SETD5: variants seen among roughly 807,000 people sequenced by gnomAD.
SETD5 encodes histone-lysine N-methyltransferase SETD5.
SETD5 carries 44 observed loss-of-function variants against 153.3 expected under a neutral mutation model. The ratio of observed to expected loss-of-function variants is 0.29; its 90% CI spans 0.23 to 0.37. The LOEUF (loss-of-function observed/expected upper bound fraction) is 0.37. Ranked by LOEUF, SETD5 falls within the 10% of genes least tolerant of loss-of-function variation. The pLI is 1.00. For synonymous variants in SETD5, 716 were observed against 645.2 expected, an observed-to-expected ratio of 1.11 and a Z score of -1.66; for missense variants, 1,544 against 1,768.0, an observed-to-expected ratio of 0.87 and a Z score of 2.27.
At chr3:9,409,278 A>G (rs1459966565) in intron 1 of SETD5, among the ~76,000 whole-genome samples, 1 of 152,198 alleles carries the variant, frequency 6.6e-6, no homozygotes, top group Non-Finnish European at 1.5e-5. Flanking sequence ...TTATTTGGCT[A>G]TACTAAGATA....
intron 1 of SETD5, among the ~76,000 whole-genome samples, chr3:9,421,841 C>T (rs537051083): frequency 1.3e-5 from 2 of 151,988 alleles, no homozygotes; most frequent in East Asian, 1.9e-4. Flanking sequence ...TGTTCATTTT[C>T]GTTATTTAGT....
chr3:9,429,575 G>T (rs2039729593), intron 3 of SETD5, among the ~76,000 whole-genome samples: 1 of 151,994 alleles, frequency 6.6e-6, no homozygotes, highest in African/African-American at 2.4e-5. Context: ...TCAGCTAAGA[G>T]CAGCTTTAGG....
rs1475581259 is a variant in SETD5 at position 9,441,649 on chromosome 3, A to G, written c.867A>G (p.Ala289=). ...AGCACCGGAAGATCCTGAGGGCTGC[A>G]AGAGATTTGGCTTTGGACACTCTTA... ...VQKHRKILRA[A]RDLALDTLII... Residue 289 remains alanine (A), a synonymous_variant, in exon 9 of 23, where the codon GCA becomes GCG. Coordinates refer to ENST00000402198, the MANE Select transcript of SETD5 (RefSeq NM_001080517.3). 6.2e-7 allele frequency: 1 copy of G among 1,614,024 alleles called. No individual in the cohort carries two copies. Among genetic ancestry groups the G allele is most frequent in the African/African-American group, 1.3e-5 (1 of 75,060 alleles).
intron 8 of SETD5, 119 bp downstream of exon 8, chr3:9,440,817 A>G: frequency 1.5e-6 from 2 of 1,301,230 alleles, no homozygotes; most frequent in Non-Finnish European, 2.1e-6. Flanking sequence ...ATAACAGATT[A>G]GCCAGGTGTT....
chr3:9,450,527 G>C (rs1182149060), intron 16 of SETD5, among the ~76,000 whole-genome samples: 1 of 152,164 alleles, frequency 6.6e-6, no homozygotes, highest in Non-Finnish European at 1.5e-5. Flanking sequence ...AGCTAGAATA[G>C]AATTTGGCTT....
chr3:9,462,840 T>C (rs2044138792), intron 17 of SETD5, among the ~76,000 whole-genome samples: 1 of 152,150 alleles, frequency 6.6e-6, no homozygotes, highest in African/African-American at 2.4e-5. Context: ...ATGATAATAA[T>C]AGTGCTTGAT....
Position 9,447,705 on chromosome 3 carries a change from T to C in SETD5, c.1802T>C (p.Leu601Pro), listed in dbSNP as rs369117880. ...SQAGDIAAEK[L>P]VPKPPPAKPS... ...CTACAGGATATTGCTGCAGAAAAAC[T>C]AGTCCCCAAGCCACCTCCAGCAAAG... is the stretch of plus-strand genomic sequence containing the variant. Residue 601 changes from leucine (L) to proline (P), a missense_variant, in exon 15 of 23, where the codon CTA becomes CCA. Transcript: ENST00000402198. The C allele has an allele frequency of 3.1e-6, 5 of 1,613,842 alleles. No homozygotes were observed. Among genetic ancestry groups the C allele is most frequent in the African/African-American group, 1.3e-5 (1 of 75,018 alleles).
intron 1 of SETD5, among the ~76,000 whole-genome samples, chr3:9,415,667 A>G (rs1396689950): frequency 6.6e-6 from 1 of 151,350 alleles, no homozygotes; most frequent in East Asian, 1.9e-4. Context: ...TGCAGTCTCA[A>G]CTCTTAATTA....
chr3:9,448,433 T>C lies in SETD5; in HGVS notation c.2149T>C (p.Cys717Arg). The C allele has an allele frequency of 6.2e-7, 1 of 1,613,990 alleles. No homozygotes were observed. ...GAATGACAAAGCAGAGAAGCAAGAG[T>C]GCCCTGTTGAGTGCCCTTTACGTAT... is the stretch of plus-strand genomic sequence containing the variant. ...WLNDKAEKQE[C>R]PVECPLRITT... Residue 717 changes from cysteine to arginine, a missense_variant, in exon 16 of 23, where the codon TGC becomes CGC. Physicochemically the swap from Cys to Arg is radical, Grantham distance 180 (BLOSUM62 -3). This residue lies in a region of SETD5 where 782 missense variants were observed against 787.2 expected (regional missense o/e 0.99). Coordinates refer to ENST00000402198, the MANE Select transcript of SETD5 (RefSeq NM_001080517.3).
In SETD5 at chr3:9,408,247, G is replaced by A. The variant is rs892119321; in HGVS notation, c.-177+10270G>A. On this transcript the variant is annotated intron_variant, in intron 1 of 22. Coordinates refer to ENST00000402198, the MANE Select transcript of SETD5 (RefSeq NM_001080517.3). ...CTTATTCTGGAGTCTCCTGTGCTGC[G>A]ATTTATCTGTTGACCTCTCTGAACC... Among the ~76,000 whole-genome samples the A allele has an allele frequency of 1.1e-4, 16 of 152,222 alleles. No homozygotes were observed. In the East Asian group the frequency reaches 1.9e-3, roughly 18 times the overall value.
At chr3:9,436,258 C>G (rs2040555644) in intron 7 of SETD5, among the ~76,000 whole-genome samples, 1 of 152,148 alleles carries the variant, frequency 6.6e-6, no homozygotes, top group Admixed American at 6.5e-5. Context: ...GTCTGAAATT[C>G]TTGTCCTGGT....
At chr3:9,462,111 C>T (rs912703552) in intron 17 of SETD5, among the ~76,000 whole-genome samples, 2 of 152,102 alleles carry the variant, frequency 1.3e-5, no homozygotes, top group Non-Finnish European at 2.9e-5. Context: ...TAGTTTAGTG[C>T]CTCATAATTC....
chr3:9,466,441 T>G (rs1346888982), intron 18 of SETD5, among the ~76,000 whole-genome samples: 1 of 151,840 alleles, frequency 6.6e-6, no homozygotes, highest in Non-Finnish European at 1.5e-5. Flanking sequence ...TTTTGTTTTG[T>G]TTTTTTTAAT....
chr3:9,454,707 T>A (rs150891227), intron 17 of SETD5, among the ~76,000 whole-genome samples: 1 of 151,414 alleles, frequency 6.6e-6, no homozygotes, highest in East Asian at 1.9e-4. Flanking sequence ...AAACTAGATG[T>A]CAATGAAAAA....
Position 9,445,072 on chromosome 3 carries a change from T to C in SETD5, c.1212T>C (p.Cys404=). ...SNCNYKVDCA[C]HKGNRNCPIQ... is the part of the protein sequence containing the mutation. ...GTAATTATAAAGTGGACTGTGCCTG[T>C]CACAAGGGAAACCGGAATTGTCCTA... Residue 404 remains cysteine (C), a synonymous_variant, in exon 12 of 23, where the codon TGT becomes TGC. Coordinates refer to ENST00000402198, the MANE Select transcript of SETD5 (RefSeq NM_001080517.3). The C allele has an allele frequency of 6.2e-7, 1 of 1,613,784 alleles. No individual in the cohort carries two copies. Among genetic ancestry groups the C allele is most frequent in the Non-Finnish European group, 8.5e-7 (1 of 1,179,792 alleles).
At chr3:9,449,751 A>C (rs1419040126) in intron 16 of SETD5, among the ~76,000 whole-genome samples, 1 of 152,210 alleles carries the variant, frequency 6.6e-6, no homozygotes, top group Non-Finnish European at 1.5e-5. Context: ...GAAGGACACT[A>C]CTGCTGAATG....
chr3:9,412,001 T>C (rs1248431655), intron 1 of SETD5, among the ~76,000 whole-genome samples: 1 of 152,118 alleles, frequency 6.6e-6, no homozygotes, highest in Non-Finnish European at 1.5e-5. Context: ...GGATCCAGGG[T>C]CCTTTACAAA....
rs749716354 is a variant in SETD5 at position 9,470,583 on chromosome 3, T to C, written c.2849T>C (p.Leu950Pro). Reference sequence around the variant, plus strand: ...TCTGACCTGGCTCCTCATCCCTCCCTCGGACCCACTTCTGAGACTGGTTTC... The same window carrying C: ...TCTGACCTGGCTCCTCATCCCTCCCCCGGACCCACTTCTGAGACTGGTTTC... Reference protein sequence around the residue: ...GHSDLAPHPSLGPTSETGFPS... With the variant: ...GHSDLAPHPSPGPTSETGFPS... The change falls in exon 19 of 23, where the codon CTC becomes CCC. Residue 950 changes from leucine to proline, a missense_variant. Coordinates refer to ENST00000402198, the MANE Select transcript of SETD5 (RefSeq NM_001080517.3). 1.2e-6 allele frequency: 2 copies of C among 1,613,936 alleles called. No homozygotes were observed. Among genetic ancestry groups the C allele is most frequent in the East Asian group, 2.2e-5 (1 of 44,880 alleles).
intron 1 of SETD5, among the ~76,000 whole-genome samples, chr3:9,411,033 T>C (rs2036498615): frequency 6.6e-6 from 1 of 151,938 alleles, no homozygotes; most frequent in Non-Finnish European, 1.5e-5. Flanking sequence ...GGACTACAGG[T>C]GCCTGCCACC....
Sources: allele counts gnomAD v4.1 joint callset (sites outside exome capture counted in the v4.1 genomes callset), GRCh38; gene constraint gnomAD v4.1.1; regional missense constraint gnomAD v4.1.1; transcripts MANE v1.5; gene names NCBI Gene and HGNC (gene_info 2026-07-23, HGNC 2026-07-21).